Variants in CASZ1 observed in about 807,000 individuals in gnomAD.
The protein encoded by CASZ1 is castor zinc finger 1.
CASZ1 carries 28 observed loss-of-function variants against 135.2 expected under a neutral mutation model. That is an observed-to-expected ratio of 0.21 (90% CI 0.15 to 0.28). CASZ1 has a LOEUF of 0.28. Ranked by LOEUF, CASZ1 falls within the 10% of genes least tolerant of loss-of-function variation. The pLI is 1.00. For synonymous variants in CASZ1, 1,068 were observed against 1,073.4 expected (o/e 0.99, Z 0.10); for missense variants, 2,161 against 2,453.3 (o/e 0.88, Z 2.52).
chr1:10,756,180 C>T lies in CASZ1; in HGVS notation c.-77+4521G>A, dbSNP rs1386321049. 6.6e-6 allele frequency among the ~76,000 whole-genome samples: 1 copy of T among 152,186 alleles called. No homozygotes were observed. Among genetic ancestry groups the T allele is most frequent in the African/African-American group, 2.4e-5 (1 of 41,462 alleles). ...AGAGCCCCACCACTCCCGCAAGCCGCTGCCAGCCTGCACTTCTGCTCTCTC... is the reference window on the plus strand; with the variant it reads ...AGAGCCCCACCACTCCCGCAAGCCGTTGCCAGCCTGCACTTCTGCTCTCTC... On this transcript the variant is annotated intron_variant, in intron 2 of 20. Coordinates refer to ENST00000377022, the MANE Select transcript of CASZ1 (RefSeq NM_001079843.3). This position sits in a 1 kb window ranked among gnomAD's most constrained non-coding sequence, Gnocchi z 5.9.
In CASZ1 at chr1:10,707,096, G is replaced by T. The variant is rs1206193131; in HGVS notation, c.-76-1552C>A. 6.6e-6 allele frequency among the ~76,000 whole-genome samples: 1 copy of T among 151,884 alleles called. No homozygotes were observed. The highest frequency in any genetic ancestry group is 1.5e-5 in the Non-Finnish European group (1 of 67,948). ...CCGGTCAGCCCAGGGCCCTGGCTGG[G>T]GTGTCATCTTCACTGTCCCGTCCGT... On this transcript the variant is annotated intron_variant, in intron 2 of 20. Coordinates refer to ENST00000377022, the MANE Select transcript of CASZ1 (RefSeq NM_001079843.3). This position sits in a 1 kb window ranked among gnomAD's most constrained non-coding sequence, Gnocchi z 5.0.
intron 4 of CASZ1, among the ~76,000 whole-genome samples, chr1:10,673,559 A>G (rs1023827574): frequency 6.6e-6 from 1 of 152,072 alleles, no homozygotes; most frequent in African/African-American, 2.4e-5. Flanking sequence ...CCCCAGTTCT[A>G]ACTGGAACTG....
At position 10,767,812 on chromosome 1, in the gene CASZ1, C is replaced by CG. The variant is rs1640503540; in HGVS notation, c.-233-6956dup. Among the ~76,000 whole-genome samples, 1 of 152,176 alleles carries CG rather than the reference C, an allele frequency of 6.6e-6. No homozygotes were observed. Among genetic ancestry groups the CG allele is most frequent in the Non-Finnish European group, 1.5e-5 (1 of 68,034 alleles). ...TCCCTGTCTGTCTTGCCCACTGCCC[C>CG]GGGGATCACTTCCCTCGCTGGCCCT... is the stretch of plus-strand genomic sequence containing the variant. On this transcript the variant is annotated intron_variant, in intron 1 of 20. Coordinates refer to ENST00000377022, the MANE Select transcript of CASZ1 (RefSeq NM_001079843.3). The surrounding 1 kb of genome is among the most constrained non-coding windows in gnomAD (Gnocchi z 4.2).
At position 10,660,273 on chromosome 1, in the gene CASZ1, G is replaced by T; in HGVS notation, c.769C>A (p.Pro257Thr). 6.2e-7 allele frequency: 1 copy of T among 1,613,882 alleles called. No homozygotes were observed. The change falls in exon 6 of 21, where the codon CCC becomes ACC. Residue 257 changes from proline to threonine, a missense_variant. Physicochemically the swap from Pro to Thr is conservative, Grantham distance 38. Coordinates refer to ENST00000377022, the MANE Select transcript of CASZ1 (RefSeq NM_001079843.3). The part of the protein sequence containing the change: ...KAGEQLSWPA[P>T]STKTEERVGK... ...ACCCGCTCCTCGGTCTTGGTGCTGG[G>T]GGCCGGCCAGGAGAGCTGCTCGCCA...
At position 10,724,964 on chromosome 1, in the gene CASZ1, A is replaced by T. The variant is rs1639569838; in HGVS notation, c.-76-19420T>A. On this transcript the variant is annotated intron_variant, in intron 2 of 20. Transcript: ENST00000377022. This position sits in a 1 kb window ranked among gnomAD's most constrained non-coding sequence, Gnocchi z 4.1. Reference sequence around the variant, plus strand: ...GCAGATTGAAGTTGAAATAACCTACAAATTACTTAATGTGTTGTAAATCTG... The same window carrying T: ...GCAGATTGAAGTTGAAATAACCTACTAATTACTTAATGTGTTGTAAATCTG... 6.6e-6 allele frequency among the ~76,000 whole-genome samples: 1 copy of T among 152,250 alleles called. No individual in the cohort carries two copies. The highest frequency in any genetic ancestry group is 1.5e-5 in the Non-Finnish European group (1 of 68,040).
rs1642371336 is a variant in CASZ1 at position 10,646,647 on chromosome 1, T to G, written c.3498-321A>C. Among the ~76,000 whole-genome samples, 1 of 152,206 alleles carries G rather than the reference T, an allele frequency of 6.6e-6. No individual in the cohort carries two copies. Among genetic ancestry groups the G allele is most frequent in the African/African-American group, 2.4e-5 (1 of 41,448 alleles). On this transcript the variant is annotated intron_variant, in intron 16 of 20. Coordinates refer to ENST00000377022, the MANE Select transcript of CASZ1 (RefSeq NM_001079843.3). This position sits in a 1 kb window ranked among gnomAD's most constrained non-coding sequence, Gnocchi z 6.4. ...GATAAGGATGGCTGTAATAACTTCT[T>G]GGATCGGAAAATAAGGATGGTGCTG...
At chr1:10,785,367 C>T (rs937878005) in intron 1 of CASZ1, among the ~76,000 whole-genome samples, 11 of 151,816 alleles carry the variant, frequency 7.2e-5, no homozygotes, top group African/African-American at 4.8e-5. Flanking sequence ...CCTTCAAGCA[C>T]GTGGCCTGGA....
chr1:10,674,912 T>C (rs1643516730), intron 4 of CASZ1, among the ~76,000 whole-genome samples: 1 of 152,222 alleles, frequency 6.6e-6, no homozygotes, highest in Non-Finnish European at 1.5e-5. Flanking sequence ...CATGGGTCCC[T>C]GGGCCCTCTG....
In CASZ1 at chr1:10,653,746, T is replaced by C; in HGVS notation, c.2311A>G (p.Lys771Glu). Residue 771 changes from lysine (K) to glutamate (E), a missense_variant, in exon 11 of 21, where the codon AAG becomes GAG. Lys to Glu is a moderately conservative substitution (Grantham distance 56). Coordinates refer to ENST00000377022, the MANE Select transcript of CASZ1 (RefSeq NM_001079843.3). ...CCCTGGGGCAGCAGCCCCGAGATCT[T>C]GCTGTTGGGAGGTTTGGTGGCACTG... ...GPSATKPPNS[K>E]ISGLLPQGLP... is the part of the protein sequence containing the mutation. 6.2e-7 allele frequency: 1 copy of C among 1,609,694 alleles called. No individual in the cohort carries two copies. Among genetic ancestry groups the C allele is most frequent in the Non-Finnish European group, 8.5e-7 (1 of 1,177,800 alleles).
intron 3 of CASZ1, among the ~76,000 whole-genome samples, chr1:10,698,836 C>A (rs1639000148): frequency 6.6e-6 from 1 of 152,232 alleles, no homozygotes; most frequent in Admixed American, 6.5e-5. Flanking sequence ...ACCAGGAAGC[C>A]TCTAACTCCC....
rs2100430618 is a variant in CASZ1 at position 10,700,693 on chromosome 1, C to T, written c.-24+4799G>A. On this transcript the variant is annotated intron_variant, in intron 3 of 20. Transcript: ENST00000377022. The surrounding 1 kb of genome is among the most constrained non-coding windows in gnomAD (Gnocchi z 4.2). ...CTCCCTGAACCCAGGCACTGACCCT[C>T]TACCTTCCCAGCATCTTCAGGAAAT... Among the ~76,000 whole-genome samples, 1 of 152,270 alleles carries T rather than the reference C, an allele frequency of 6.6e-6. No homozygotes were observed. Among genetic ancestry groups the T allele is most frequent in the South Asian group, 2.1e-4 (1 of 4,828 alleles).
At position 10,777,855 on chromosome 1, in the gene CASZ1, A is replaced by G. The variant is rs1460698580; in HGVS notation, c.-233-16998T>C. On this transcript the variant is annotated intron_variant, in intron 1 of 20. Coordinates refer to ENST00000377022, the MANE Select transcript of CASZ1 (RefSeq NM_001079843.3). The surrounding 1 kb of genome is among the most constrained non-coding windows in gnomAD (Gnocchi z 4.4). ...CACACACAATCTCACACACTCTCAT[A>G]TACAATGACTCACGATCTCACACAA... Among the ~76,000 whole-genome samples the G allele has an allele frequency of 6.6e-6, 1 of 152,058 alleles. No individual in the cohort carries two copies. The highest frequency in any genetic ancestry group is 1.5e-5 in the Non-Finnish European group (1 of 68,006).
Position 10,696,284 on chromosome 1 carries a change from C to A in CASZ1, c.-23-2372G>T, listed in dbSNP as rs557701835. Among the ~76,000 whole-genome samples, 18 of 152,346 alleles carry A rather than the reference C, an allele frequency of 1.2e-4. No individual in the cohort carries two copies. The South Asian group carries it at 3.7e-3, about 32-fold the overall frequency. ...GTCCCCACTCCTGGCCGTCACACAG[C>A]CTCATTGGCTCTGTGATTCCCCAAC... On this transcript the variant is annotated intron_variant, in intron 3 of 20. Coordinates refer to ENST00000377022, the MANE Select transcript of CASZ1 (RefSeq NM_001079843.3).
rs545947668 is a variant in CASZ1 at position 10,666,481 on chromosome 1, C to G, written c.17-910G>C. 6.6e-6 allele frequency among the ~76,000 whole-genome samples: 1 copy of G among 152,296 alleles called. No individual in the cohort carries two copies. Among genetic ancestry groups the G allele is most frequent in the East Asian group, 1.9e-4 (1 of 5,172 alleles). The stretch of plus-strand genomic sequence containing the variant: ...CCAGCCTCGGCCAGCCTCTGCAGCC[C>G]CGGAAGGCCTGGCCAGCCCACTTCC... On this transcript the variant is annotated intron_variant, in intron 4 of 20. Coordinates refer to ENST00000377022, the MANE Select transcript of CASZ1 (RefSeq NM_001079843.3). This position sits in a 1 kb window ranked among gnomAD's most constrained non-coding sequence, Gnocchi z 5.2.
chr1:10,795,881 A>G (rs1641058078), intron 1 of CASZ1, among the ~76,000 whole-genome samples: 1 of 152,024 alleles, frequency 6.6e-6, no homozygotes, highest in South Asian at 2.1e-4. Context: ...CGCCTAAGCG[A>G]ACACTGCCTA....
At chr1:10,718,389 C>G (rs972619974) in intron 2 of CASZ1, among the ~76,000 whole-genome samples, 1 of 152,244 alleles carries the variant, frequency 6.6e-6, no homozygotes, top group African/African-American at 2.4e-5. Context: ...TTTATCAAAG[C>G]AGCAGCTACA....
At chr1:10,649,039 C>T in intron 15 of CASZ1, 31 bp downstream of exon 15, 1 of 1,608,236 alleles carries the variant, frequency 6.2e-7, no homozygotes, top group Non-Finnish European at 8.5e-7. Flanking sequence ...CCGTGGGGCT[C>T]TGTGGAAATG....
Position 10,656,601 on chromosome 1 carries a change from T to C in CASZ1, c.1500+45A>G, listed in dbSNP as rs755704649. On this transcript the variant is annotated intron_variant, in intron 8 of 20. Coordinates refer to ENST00000377022, the MANE Select transcript of CASZ1 (RefSeq NM_001079843.3). Reference sequence around the variant, plus strand: ...TGCCGACTTCTAAGCGCCTCCATGCTGTGCTGGTGGCGGAGAGGCGGAGCC... The same window carrying C: ...TGCCGACTTCTAAGCGCCTCCATGCCGTGCTGGTGGCGGAGAGGCGGAGCC... 21 of 1,409,214 alleles carry C rather than the reference T, an allele frequency of 1.5e-5. No individual in the cohort carries two copies. In the East Asian group the frequency reaches 4.5e-4, roughly 30 times the overall value. The allele number at this position is 1,409,214 out of a possible 1,614,324, so 87.3% of individuals were successfully genotyped here.
chr1:10,767,946 T>C lies in CASZ1; in HGVS notation c.-233-7089A>G, dbSNP rs1254451098. Among the ~76,000 whole-genome samples the C allele has an allele frequency of 6.6e-6, 1 of 152,154 alleles. No homozygotes were observed. Among genetic ancestry groups the C allele is most frequent in the African/African-American group, 2.4e-5 (1 of 41,448 alleles). ...GAGGGTCACCCACCATTGCAAGGTC[T>C]TCCTGGAGCAGACCCCAGACCTGGG... On this transcript the variant is annotated intron_variant, in intron 1 of 20. Coordinates refer to ENST00000377022, the MANE Select transcript of CASZ1 (RefSeq NM_001079843.3). The surrounding 1 kb of genome is among the most constrained non-coding windows in gnomAD (Gnocchi z 4.2).
Sources: allele counts gnomAD v4.1 joint callset (sites outside exome capture counted in the v4.1 genomes callset), GRCh38; gene constraint gnomAD v4.1.1; non-coding constraint Gnocchi (gnomAD v3.1); transcripts MANE v1.5; gene names NCBI Gene and HGNC (gene_info 2026-07-23, HGNC 2026-07-21).